The following NEK6 variants were observed in gnomAD, a reference collection of about 807,000 sequenced individuals.
NEK6 encodes the protein serine/threonine-protein kinase Nek6.
Under a neutral mutation model 43.5 loss-of-function variants are expected in NEK6, and 27 were observed. The ratio of observed to expected loss-of-function variants is 0.62; its 90% CI spans 0.46 to 0.86. The LOEUF (loss-of-function observed/expected upper bound fraction) is 0.86, where lower values mean the gene tolerates loss of function less well. Ranked by LOEUF, NEK6 falls within the 40% of genes least tolerant of loss-of-function variation. The pLI is 0.00. For synonymous variants in NEK6, 167 were observed against 164.1 expected (o/e 1.02, Z -0.14); for missense variants, 318 against 414.4 (o/e 0.77, Z 2.02).
intron 8 of NEK6, among the ~76,000 whole-genome samples, chr9:124,341,939 C>T (rs1313697696): frequency 6.6e-6 from 1 of 152,166 alleles, no homozygotes; most frequent in African/African-American, 2.4e-5. Context: ...GACGTTAAAT[C>T]CAGGTGGGGA....
intron 7 of NEK6, among the ~76,000 whole-genome samples, chr9:124,333,412 A>T (rs1037438763): frequency 2.6e-5 from 4 of 152,162 alleles, no homozygotes; most frequent in Non-Finnish European, 5.9e-5. Context: ...AAGGGGGAGC[A>T]GCCCCTCCCC....
At chr9:124,289,549 C>T (rs1341066465) in intron 1 of NEK6, among the ~76,000 whole-genome samples, 2 of 152,154 alleles carry the variant, frequency 1.3e-5, no homozygotes, top group Non-Finnish European at 2.9e-5. Context: ...CAAGCCACAG[C>T]CCCACGTCAC....
At chr9:124,273,883 T>C (rs181760877) in intron 1 of NEK6, among the ~76,000 whole-genome samples, 118 of 152,346 alleles carry the variant, frequency 7.7e-4, no homozygotes, top group African/African-American at 2.7e-3. Flanking sequence ...GCGGCGGCTC[T>C]TCCAGGACCT....
chr9:124,335,758 A>G (rs1829259738), intron 7 of NEK6, among the ~76,000 whole-genome samples: 1 of 152,230 alleles, frequency 6.6e-6, no homozygotes, highest in African/African-American at 2.4e-5. Context: ...GAGATTTCCA[A>G]CACCATTACA....
chr9:124,300,146 C>T (rs1832885737), intron 1 of NEK6: 1 of 152,168 alleles, frequency 6.6e-6, no homozygotes, highest in Non-Finnish European at 1.5e-5. Flanking sequence ...CTTGGGAGGC[C>T]AAGCTCAGCG....
chr9:124,284,957 C>T (rs1307202700), intron 1 of NEK6, among the ~76,000 whole-genome samples: 3 of 152,236 alleles, frequency 2.0e-5, no homozygotes, highest in Admixed American at 1.3e-4. Flanking sequence ...AGCCAGTGGA[C>T]CCAAATACGT....
At chr9:124,263,969 A>G (rs1831130270) in intron 1 of NEK6, among the ~76,000 whole-genome samples, 1 of 152,204 alleles carries the variant, frequency 6.6e-6, no homozygotes, top group South Asian at 2.1e-4. Flanking sequence ...AGCAAGGCAG[A>G]TGTTTTGTTA....
Position 124,326,332 on chromosome 9 carries a change from C to T in NEK6, c.408C>T (p.Tyr136=). 1 of 1,610,040 alleles carries T rather than the reference C, an allele frequency of 6.2e-7. No homozygotes were observed. Among genetic ancestry groups the T allele is most frequent in the Non-Finnish European group, 8.5e-7 (1 of 1,179,202 alleles). The change falls in exon 6 of 10, where the codon TAC becomes TAT. Residue 136 remains tyrosine, a splice_region_variant and synonymous_variant. Coordinates refer to ENST00000320246, the MANE Select transcript of NEK6 (RefSeq NM_014397.6). The surrounding 1 kb of genome is among the most constrained non-coding windows in gnomAD (Gnocchi z 4.5). ...TCTGCTTGTCTCCCCCACTGCAGTA[C>T]TTTAAGAAGCAGAAGCGGCTCATCC... ...DAGDLSQMIK[Y]FKKQKRLIPE...
chr9:124,290,914 C>T (rs999193407), intron 1 of NEK6, among the ~76,000 whole-genome samples: 2 of 152,212 alleles, frequency 1.3e-5, no homozygotes, highest in Non-Finnish European at 2.9e-5. Flanking sequence ...CCAGGGCCTG[C>T]TCCTGGGGAC....
chr9:124,277,641 C>T (rs1831699869), intron 1 of NEK6, among the ~76,000 whole-genome samples: 1 of 152,240 alleles, frequency 6.6e-6, no homozygotes, highest in African/African-American at 2.4e-5. Flanking sequence ...CCCAGCACTG[C>T]CTGGGGAGAG....
chr9:124,277,768 G>A (rs753275496), intron 1 of NEK6, among the ~76,000 whole-genome samples: 12 of 152,194 alleles, frequency 7.9e-5, no homozygotes, highest in African/African-American at 2.2e-4. Flanking sequence ...ACGGGAGCGC[G>A]CCCGCAGGCC....
chr9:124,299,156 C>G (rs1461901967), intron 1 of NEK6, among the ~76,000 whole-genome samples: 2 of 152,230 alleles, frequency 1.3e-5, no homozygotes, highest in Non-Finnish European at 2.9e-5. Context: ...ATGGGAGGCC[C>G]CAGGGCAGGT....
intron 5 of NEK6, among the ~76,000 whole-genome samples, chr9:124,322,770 G>C (rs961248835): frequency 6.6e-6 from 1 of 152,284 alleles, no homozygotes; most frequent in Admixed American, 6.5e-5. Flanking sequence ...AACGGGGCCG[G>C]ATGTGGGTTC....
At chr9:124,311,244 G>T (rs1002454453) in intron 2 of NEK6, among the ~76,000 whole-genome samples, 8 of 152,250 alleles carry the variant, frequency 5.3e-5, no homozygotes, top group African/African-American at 1.9e-4. Context: ...GCCCGGCTCA[G>T]TGTGACCCTC....
chr9:124,292,941 A>G (rs759550500), intron 1 of NEK6: 4 of 1,564,052 alleles, frequency 2.6e-6, no homozygotes, highest in Admixed American at 1.9e-5. Context: ...CCTGGAGGAG[A>G]TGCCCAGGAG....
Position 124,321,570 on chromosome 9 carries a change from G to A in NEK6, c.405+1G>A. ...AGGGGACCTCTCGCAGATGATCAAG[G>A]TGAGCGCCTGGCGGGGTGGGGGTGC... On this transcript the variant is annotated splice_donor_variant, in intron 5 of 9. Coordinates refer to ENST00000320246, the MANE Select transcript of NEK6 (RefSeq NM_014397.6). LOFTEE classifies it high-confidence loss of function. 1 of 1,598,378 alleles carries A rather than the reference G, an allele frequency of 6.3e-7. No homozygotes were observed. The highest frequency in any genetic ancestry group is 1.7e-5 in the Admixed American group (1 of 59,994).
At chr9:124,317,212 C>T (rs889330852) in intron 4 of NEK6, among the ~76,000 whole-genome samples, 29 of 152,308 alleles carry the variant, frequency 1.9e-4, no homozygotes, top group African/African-American at 6.7e-4. Context: ...TCGCGCAGGA[C>T]GTCCTTTTCA....
rs771504531 is a variant in NEK6, at chr9:124,312,621, G to A, written c.203G>A (p.Arg68Lys). 1.2e-6 allele frequency: 2 copies of A among 1,613,728 alleles called. No homozygotes were observed. The highest frequency in any genetic ancestry group is 2.2e-5 in the East Asian group (1 of 44,862). Reference sequence around the variant, plus strand: ...TACAAGGCCACCTGCCTGCTGGACAGGAAGACAGTGGCTCTGAAGAAGGTG... The same window carrying A: ...TACAAGGCCACCTGCCTGCTGGACAAGAAGACAGTGGCTCTGAAGAAGGTG... The part of the protein sequence containing the change: ...EVYKATCLLD[R>K]KTVALKKVQI... The change falls in exon 3 of 10, where the codon AGG (arginine) becomes AAG (lysine). Residue 68 changes from arginine to lysine, a missense_variant. Around this residue, in one of 2 missense-constraint regions of NEK6, gnomAD observed 239 missense variants for 344.4 expected, o/e 0.69. Coordinates refer to ENST00000320246, the MANE Select transcript of NEK6 (RefSeq NM_014397.6).
intron 1 of NEK6, among the ~76,000 whole-genome samples, chr9:124,265,113 T>C (rs1302136678): frequency 1.3e-5 from 2 of 152,082 alleles, no homozygotes; most frequent in Non-Finnish European, 2.9e-5. Context: ...TTTATTGGGG[T>C]GACGCAGACG....
Sources: allele counts gnomAD v4.1 joint callset (sites outside exome capture counted in the v4.1 genomes callset), GRCh38; gene constraint gnomAD v4.1.1; regional missense constraint gnomAD v4.1.1; non-coding constraint Gnocchi (gnomAD v3.1); transcripts MANE v1.5; gene names NCBI Gene and HGNC (gene_info 2026-07-23, HGNC 2026-07-21).